Variants in JARID2 observed in about 807,000 individuals in gnomAD.
JARID2 encodes the protein jumonji and AT-rich interaction domain containing 2.
A neutral mutation model predicts 125.6 loss-of-function variants in JARID2; 21 were observed. That is an observed-to-expected ratio of 0.17 (90% CI 0.12 to 0.24). The LOEUF (loss-of-function observed/expected upper bound fraction) is 0.24. JARID2 is among the 10% of genes least tolerant of loss of function. JARID2 has a pLI of 1.00. For synonymous variants in JARID2, 736 were observed against 661.6 expected (o/e 1.11, Z -1.73); for missense variants, 1,303 against 1,639.6 (o/e 0.79, Z 3.55).
chr6:15,377,190 C>G (rs1265533591), intron 2 of JARID2, among the ~76,000 whole-genome samples: 1 of 152,078 alleles, frequency 6.6e-6, no homozygotes, highest in Non-Finnish European at 1.5e-5. Flanking sequence ...ATATTGGAGA[C>G]TGGGAAGAAA....
rs1759185443 is a variant in JARID2 at position 15,246,418 on chromosome 6, A to AT, written c.-120dup. On this transcript the variant is annotated 5_prime_UTR_variant, in exon 1 of 18. Coordinates refer to ENST00000341776, the MANE Select transcript of JARID2 (RefSeq NM_004973.4). ...TTGGGGGAAGAGGAAGAAAAGTCGG[A>AT]TTACAAGATCAACCACCACCAACAA... The AT allele has an allele frequency of 1.4e-6, 1 of 728,368 alleles. No homozygotes were observed. The highest frequency in any genetic ancestry group is 1.8e-5 in the African/African-American group (1 of 54,712). The allele number at this position is 728,368 out of a possible 1,614,324, so 45.1% of individuals were successfully genotyped here.
chr6:15,380,355 T>C (rs535355157), intron 2 of JARID2, among the ~76,000 whole-genome samples: 1 of 152,294 alleles, frequency 6.6e-6, no homozygotes, highest in South Asian at 2.1e-4. Flanking sequence ...GAATTTTTTA[T>C]TGGGAAAAAG....
chr6:15,376,887 G>A (rs146690084), intron 2 of JARID2, among the ~76,000 whole-genome samples: 1 of 152,280 alleles, frequency 6.6e-6, no homozygotes, highest in Non-Finnish European at 1.5e-5. Context: ...CACACAGTAG[G>A]GAGCAACCAA....
intron 1 of JARID2, among the ~76,000 whole-genome samples, chr6:15,274,530 C>A (rs1328614592): frequency 6.6e-6 from 1 of 152,154 alleles, no homozygotes. Flanking sequence ...ATTTGCAGAT[C>A]CAAATTTATT....
intron 5 of JARID2, among the ~76,000 whole-genome samples, chr6:15,475,390 GCAGA>G (rs1251908827): frequency 6.6e-6 from 1 of 152,214 alleles, no homozygotes; most frequent in African/African-American, 2.4e-5. Flanking sequence ...CTTCTGAACT[GCAGA>G]CAGAGGAAAG....
At chr6:15,494,793 G>A (rs143729952) in intron 6 of JARID2, among the ~76,000 whole-genome samples, 40 of 152,282 alleles carry the variant, frequency 2.6e-4, no homozygotes, top group African/African-American at 9.4e-4. Context: ...CGCCATCTGG[G>A]GACCTTCGTC....
At chr6:15,325,987 G>A (rs1399214982) in intron 1 of JARID2, among the ~76,000 whole-genome samples, 1 of 152,072 alleles carries the variant, frequency 6.6e-6, no homozygotes, top group Non-Finnish European at 1.5e-5. Flanking sequence ...TTTTATTTCT[G>A]TTAACATGTA....
intron 3 of JARID2, among the ~76,000 whole-genome samples, chr6:15,424,009 G>T (rs1766614383): frequency 1.3e-5 from 2 of 152,062 alleles, no homozygotes; most frequent in African/African-American, 4.8e-5. Context: ...CCCCTCGTTG[G>T]TCTGCGTTGT....
chr6:15,381,197 C>CAA (rs1306603959), intron 2 of JARID2, among the ~76,000 whole-genome samples: 21 of 139,946 alleles, frequency 1.5e-4, no homozygotes, highest in African/African-American at 4.4e-4. Context: ...ACTAAAAATA[C>CAA]AAAAAAAAAA....
At chr6:15,422,416 T>G (rs1193854010) in intron 3 of JARID2, among the ~76,000 whole-genome samples, 2 of 152,178 alleles carry the variant, frequency 1.3e-5, no homozygotes, top group African/African-American at 2.4e-5. Flanking sequence ...ATCAGCAAGG[T>G]GAACCTGAGT....
intron 1 of JARID2, among the ~76,000 whole-genome samples, chr6:15,259,636 C>T (rs1759795344): frequency 6.6e-6 from 1 of 152,206 alleles, no homozygotes; most frequent in South Asian, 2.1e-4. Context: ...GCTCGCTCAT[C>T]TGCACTTAGG....
At chr6:15,247,404 TTTG>T (rs1352174428) in intron 1 of JARID2, 3 of 981,850 alleles carry the variant, frequency 3.1e-6, no homozygotes, top group Non-Finnish European at 3.6e-6. Context: ...GGGGAGTGTT[TTTG>T]TTTTGTGTGT....
rs186947940 is a variant in JARID2, at chr6:15,395,899, G to T, written c.182-14325G>T. On this transcript the variant is annotated intron_variant, in intron 2 of 17. Transcript: ENST00000341776. ...AGGATGGTCTTAATCTCCTGACCTT[G>T]TGACCTGCCCGCCTTGGCCTCCCTA... 2.3e-3 allele frequency among the ~76,000 whole-genome samples: 353 copies of T among 152,264 alleles called. 1 individual carries two copies. Among genetic ancestry groups the T allele is most frequent in the Non-Finnish European group, 4.0e-3 (274 of 68,008 alleles).
At position 15,463,633 on chromosome 6, in the gene JARID2, C is replaced by T. The variant is rs1303482491; in HGVS notation, c.494-4909C>T. Among the ~76,000 whole-genome samples the T allele has an allele frequency of 2.6e-5, 4 of 151,952 alleles. No individual in the cohort carries two copies. In the East Asian group the frequency reaches 7.7e-4, roughly 29 times the overall value. On this transcript the variant is annotated intron_variant, in intron 4 of 17. Coordinates refer to ENST00000341776, the MANE Select transcript of JARID2 (RefSeq NM_004973.4). ...TTTTAGTAGAGATGGAGTTTCGCCA[C>T]GTGGGCCTGGCTAGTCTCGAACTCC...
chr6:15,493,765 T>C (rs1248913437), intron 6 of JARID2, among the ~76,000 whole-genome samples: 4 of 152,148 alleles, frequency 2.6e-5, no homozygotes, highest in African/African-American at 4.8e-5. Context: ...GTTTTGGTTT[T>C]AGTGGAAGCA....
At chr6:15,416,312 G>A (rs1440503449) in intron 3 of JARID2, among the ~76,000 whole-genome samples, 6 of 152,168 alleles carry the variant, frequency 3.9e-5, no homozygotes, top group Non-Finnish European at 5.9e-5. Flanking sequence ...CTGCAATCTC[G>A]GCACTTTGGG....
intron 2 of JARID2, among the ~76,000 whole-genome samples, chr6:15,397,615 G>T (rs1480159979): frequency 6.6e-6 from 1 of 152,202 alleles, no homozygotes; most frequent in Non-Finnish European, 1.5e-5. Flanking sequence ...ATTAGAGTTA[G>T]TAGAGTTCCT....
chr6:15,277,384 A>T (rs1444118121), intron 1 of JARID2, among the ~76,000 whole-genome samples: 1 of 152,110 alleles, frequency 6.6e-6, no homozygotes. Context: ...TCAACCTCCC[A>T]AAGTGCTGGG....
intron 1 of JARID2, among the ~76,000 whole-genome samples, chr6:15,250,918 G>A (rs111646565): frequency 0.067 from 7,661 of 113,794 alleles, 242 homozygotes; most frequent in Admixed American, 0.13. Context: ...CCTTCAAAAT[G>A]GAACTTTTTT....
Sources: allele counts gnomAD v4.1 joint callset (sites outside exome capture counted in the v4.1 genomes callset), GRCh38; gene constraint gnomAD v4.1.1; transcripts MANE v1.5; gene names NCBI Gene and HGNC (gene_info 2026-07-23, HGNC 2026-07-21).